Variants in FRAS1 observed in about 807,000 individuals in gnomAD.
FRAS1 encodes extracellular matrix organizing protein FRAS1.
In FRAS1, 290 loss-of-function variants were observed where a neutral mutation model predicts 435.2. That is an observed-to-expected ratio of 0.67 (90% CI 0.61 to 0.73). The LOEUF is 0.73. Among genes scored for constraint, FRAS1 ranks in the 30% least tolerant of loss-of-function variants. The probability of loss-of-function intolerance (pLI) is 0.00; values close to 1 mark genes in which losing one functional copy is unlikely to be tolerated. For missense variants in FRAS1, 4,860 were observed against 5,001.5 expected (o/e 0.97, Z 0.85); for synonymous variants, 1,800 against 1,851.0 (o/e 0.97, Z 0.71).
At chr4:78,219,893 T>A (rs1022772100) in intron 2 of FRAS1, among the ~76,000 whole-genome samples, 16 of 152,194 alleles carry the variant, frequency 1.1e-4, no homozygotes, top group Non-Finnish European at 2.4e-4. Flanking sequence ...GTACTAATAC[T>A]TTTCTTTTCA....
intron 7 of FRAS1, 122 bp from the exon 8 acceptor site, chr4:78,266,712 A>G (rs916037567): frequency 7.0e-6 from 5 of 712,850 alleles, no homozygotes; most frequent in Admixed American, 6.7e-5. Flanking sequence ...ATTTCTCAAG[A>G]GTACATTCAA....
At chr4:78,208,160 A>G (rs1723341868) in intron 2 of FRAS1, among the ~76,000 whole-genome samples, 1 of 152,180 alleles carries the variant, frequency 6.6e-6, no homozygotes, top group Admixed American at 6.5e-5. Flanking sequence ...GGAGCCTGAT[A>G]GACCAACTGG....
intron 32 of FRAS1, among the ~76,000 whole-genome samples, chr4:78,417,394 C>T (rs1733593670): frequency 6.6e-6 from 1 of 152,070 alleles, no homozygotes; most frequent in Admixed American, 6.5e-5. Context: ...CAAACAGTAC[C>T]AAACAAGGTA....
chr4:78,462,909 T>C (rs979073572), intron 47 of FRAS1, among the ~76,000 whole-genome samples: 1 of 152,178 alleles, frequency 6.6e-6, no homozygotes, highest in Non-Finnish European at 1.5e-5. Flanking sequence ...TTCTTAAAGA[T>C]AAAGCAGTGA....
intron 32 of FRAS1, 49 bp from the exon 33 acceptor site, chr4:78,418,900 T>C: frequency 1.7e-6 from 2 of 1,180,706 alleles, no homozygotes; most frequent in South Asian, 2.8e-5. Context: ...TGCCTCTGGC[T>C]TTTGTTTTTC....
intron 2 of FRAS1, among the ~76,000 whole-genome samples, chr4:78,131,119 G>T (rs1455289684): frequency 6.6e-6 from 1 of 151,992 alleles, no homozygotes; most frequent in East Asian, 1.9e-4. Context: ...TGCTTTCATT[G>T]TGCCTTGGGG....
intron 2 of FRAS1, among the ~76,000 whole-genome samples, chr4:78,096,243 G>T (rs748126982): frequency 1.2e-4 from 19 of 152,212 alleles, no homozygotes; most frequent in Non-Finnish European, 2.4e-4. Context: ...GCAAGAGGGG[G>T]GTTCCCATGG....
At chr4:78,358,715 A>G (rs968394434) in intron 20 of FRAS1, among the ~76,000 whole-genome samples, 3 of 152,226 alleles carry the variant, frequency 2.0e-5, no homozygotes, top group African/African-American at 7.2e-5. Context: ...GCAGACAAAG[A>G]TTTATGCACA....
chr4:78,423,053 T>G (rs1733852508), intron 34 of FRAS1, among the ~76,000 whole-genome samples: 1 of 152,226 alleles, frequency 6.6e-6, no homozygotes, highest in Non-Finnish European at 1.5e-5. Flanking sequence ...ATCTCTTCCC[T>G]TGATCCAGTC....
intron 66 of FRAS1, among the ~76,000 whole-genome samples, chr4:78,517,610 G>A (rs17430137): frequency 0.14 from 21,156 of 152,158 alleles, 1,747 homozygotes; most frequent in Non-Finnish European, 0.2. Context: ...ACCTTTTGCT[G>A]TCAATCAACA....
At chr4:78,271,994 A>G (rs2110162852) in intron 9 of FRAS1, among the ~76,000 whole-genome samples, 1 of 152,326 alleles carries the variant, frequency 6.6e-6, no homozygotes, top group Non-Finnish European at 1.5e-5. Flanking sequence ...CTGACTTTTT[A>G]AAGATTGCCA....
intron 5 of FRAS1, among the ~76,000 whole-genome samples, chr4:78,253,414 G>T (rs1725639322): frequency 6.6e-6 from 1 of 152,170 alleles, no homozygotes; most frequent in South Asian, 2.1e-4. Context: ...TACATTCTCA[G>T]CTTGTGAAGA....
intron 2 of FRAS1, among the ~76,000 whole-genome samples, chr4:78,104,461 C>A (rs918680360): frequency 6.6e-6 from 1 of 152,184 alleles, no homozygotes; most frequent in Non-Finnish European, 1.5e-5. Flanking sequence ...GGGGCACATA[C>A]ACTGATCTTA....
At chr4:78,519,757 G>A (rs928379201) in intron 67 of FRAS1, among the ~76,000 whole-genome samples, 2 of 152,156 alleles carry the variant, frequency 1.3e-5, no homozygotes, top group East Asian at 1.9e-4. Flanking sequence ...ATTCAGATGG[G>A]TGTGTGTTCT....
chr4:78,224,264 C>T (rs555515915), intron 2 of FRAS1, among the ~76,000 whole-genome samples: 1 of 152,332 alleles, frequency 6.6e-6, no homozygotes, highest in African/African-American at 2.4e-5. Context: ...TGGTCCTTGA[C>T]GCCAGTCAGT....
intron 2 of FRAS1, among the ~76,000 whole-genome samples, chr4:78,164,887 C>T (rs1168339618): frequency 6.6e-6 from 1 of 152,186 alleles, no homozygotes; most frequent in Non-Finnish European, 1.5e-5. Flanking sequence ...TCCTGAAGAT[C>T]CAACTCTGTT....
At chr4:78,130,092 C>G (rs1450510748) in intron 2 of FRAS1, among the ~76,000 whole-genome samples, 1 of 152,088 alleles carries the variant, frequency 6.6e-6, no homozygotes, top group African/African-American at 2.4e-5. Flanking sequence ...GTACTTTTCC[C>G]CCACCCTTAA....
chr4:78,380,643 C>A (rs1363979313), intron 27 of FRAS1, among the ~76,000 whole-genome samples: 1 of 152,186 alleles, frequency 6.6e-6, no homozygotes, highest in African/African-American at 2.4e-5. Flanking sequence ...TCAGAGGGTG[C>A]CCCCCAAAGA....
intron 69 of FRAS1, among the ~76,000 whole-genome samples, chr4:78,523,291 TG>T (rs1287416435): frequency 1.3e-5 from 2 of 152,168 alleles, no homozygotes; most frequent in Admixed American, 1.3e-4. Flanking sequence ...CAAGGGAAGC[TG>T]GGAAATGTGT....
Sources: allele counts gnomAD v4.1 joint callset (sites outside exome capture counted in the v4.1 genomes callset), GRCh38; gene constraint gnomAD v4.1.1; transcripts MANE v1.5; gene names NCBI Gene and HGNC (gene_info 2026-07-23, HGNC 2026-07-21).